Variants in VIPR2 observed in about 807,000 individuals in gnomAD.
VIPR2 encodes vasoactive intestinal peptide receptor 2, also known as vasoactive intestinal polypeptide receptor 2.
In VIPR2, 48 loss-of-function variants were observed where a neutral mutation model predicts 58.0. That is an observed-to-expected ratio of 0.83 (90% CI 0.66 to 1.05). The LOEUF is 1.05. Among genes scored for constraint, VIPR2 ranks in the 50% least tolerant of loss-of-function variants. The pLI, the probability that VIPR2 is intolerant of heterozygous loss-of-function variation, is 0.00. For synonymous variants in VIPR2, 243 were observed against 235.2 expected (o/e 1.03, Z -0.30); for missense variants, 534 against 558.0 (o/e 0.96, Z 0.43).
At chr7:159,140,419 G>A (rs895340392) in intron 2 of VIPR2, among the ~76,000 whole-genome samples, 4 of 152,136 alleles carry the variant, frequency 2.6e-5, no homozygotes, top group Non-Finnish European at 5.9e-5. Flanking sequence ...CCTGGCATTT[G>A]AGCCACGCAT....
chr7:159,032,825 T>A (rs566462083), intron 10 of VIPR2, among the ~76,000 whole-genome samples: 1 of 152,052 alleles, frequency 6.6e-6, no homozygotes, highest in Non-Finnish European at 1.5e-5. Flanking sequence ...AAGGTCAGCA[T>A]AGAAACTAAA....
chr7:159,107,158 C>A (rs1415026839), intron 3 of VIPR2, among the ~76,000 whole-genome samples: 2 of 152,184 alleles, frequency 1.3e-5, no homozygotes, highest in East Asian at 1.9e-4. Flanking sequence ...TGTGCTGATG[C>A]CCCTTTAAAG....
At chr7:159,125,674 A>G (rs913422871) in intron 2 of VIPR2, among the ~76,000 whole-genome samples, 2 of 152,214 alleles carry the variant, frequency 1.3e-5, no homozygotes, top group East Asian at 3.8e-4. Context: ...GATTGGCAGC[A>G]GTTTAGCATG....
rs1265362482 is a variant in VIPR2, at chr7:159,098,893, G to A, written c.357+4864C>T. On this transcript the variant is annotated intron_variant, in intron 4 of 12. Coordinates refer to ENST00000262178, the MANE Select transcript of VIPR2 (RefSeq NM_003382.5). This position sits in a 1 kb window ranked among gnomAD's most constrained non-coding sequence, Gnocchi z 5.2. Reference sequence around the variant, plus strand: ...GCAAGTGGGCCTGATGGGACGAAGCGTGAGCTCCGGGCAGGAGAAACTCTG... The same window carrying A: ...GCAAGTGGGCCTGATGGGACGAAGCATGAGCTCCGGGCAGGAGAAACTCTG... Among the ~76,000 whole-genome samples the A allele has an allele frequency of 2.6e-5, 4 of 152,244 alleles. No homozygotes were observed. The highest frequency in any genetic ancestry group is 6.5e-5 in the Admixed American group (1 of 15,284).
At chr7:159,107,217 C>T (rs969546454) in intron 3 of VIPR2, among the ~76,000 whole-genome samples, 1 of 152,192 alleles carries the variant, frequency 6.6e-6, no homozygotes, top group African/African-American at 2.4e-5. Flanking sequence ...GGCGGCTGAG[C>T]TGCTGCCCTG....
intron 1 of VIPR2, among the ~76,000 whole-genome samples, chr7:159,142,857 T>C (rs1342054577): frequency 6.6e-6 from 1 of 152,222 alleles, no homozygotes; most frequent in East Asian, 1.9e-4. Context: ...CATCTCTCCA[T>C]ACCCGGCTCC....
chr7:159,140,060 G>A (rs1797400594), intron 2 of VIPR2, among the ~76,000 whole-genome samples: 1 of 151,554 alleles, frequency 6.6e-6, no homozygotes, highest in African/African-American at 2.4e-5. Flanking sequence ...TTTCTGTCTG[G>A]ATTTACGTGT....
chr7:159,041,613 AT>A (rs1229637626), intron 6 of VIPR2, among the ~76,000 whole-genome samples: 1 of 145,814 alleles, frequency 6.9e-6, no homozygotes, highest in Non-Finnish European at 1.5e-5. Flanking sequence ...TGCTTTCTAC[AT>A]CACAGGTCCG....
At chr7:159,110,058 G>A in intron 2 of VIPR2, 139 bp from the exon 3 acceptor site, 1 of 748,668 alleles carries the variant, frequency 1.3e-6, no homozygotes, top group South Asian at 1.7e-5. Context: ...TGAGACTATA[G>A]TTAGCTTGTG....
In VIPR2 at chr7:159,043,039, G is replaced by A. The variant is rs1175330913; in HGVS notation, c.593C>T (p.Ser198Phe). ...GTLHCPDQPS[S>F]WVGCKLSLVF... ...CTGTGGTGGGGACAGCCTTACCCAG[G>A]AGGATGGCTGGTCAGGGCAGTGCAA... The change falls in exon 6 of 13, where the codon TCC (serine) becomes TTC (phenylalanine). Residue 198 changes from serine (S) to phenylalanine (F), a missense_variant. By Grantham distance (155) the Ser-to-Phe change is radical. Transcript: ENST00000262178. 1 of 1,613,998 alleles carries A rather than the reference G, an allele frequency of 6.2e-7. No individual in the cohort carries two copies. Among genetic ancestry groups the A allele is most frequent in the Non-Finnish European group, 8.5e-7 (1 of 1,179,914 alleles).
At chr7:159,073,798 G>A (rs192539335) in intron 4 of VIPR2, among the ~76,000 whole-genome samples, 2 of 152,162 alleles carry the variant, frequency 1.3e-5, no homozygotes, top group Non-Finnish European at 2.9e-5. Context: ...CACATGGAGT[G>A]GGGGAGCCCC....
chr7:159,119,539 C>T (rs1410231332), intron 2 of VIPR2, among the ~76,000 whole-genome samples: 1 of 152,194 alleles, frequency 6.6e-6, no homozygotes, highest in Non-Finnish European at 1.5e-5. Flanking sequence ...AGGCAGAGGC[C>T]GAGGCAAACC....
rs1381448703 is a variant in VIPR2 at position 159,093,077 on chromosome 7, A to G, written c.357+10680T>C. The stretch of plus-strand genomic sequence containing the variant: ...TTCTGCACTGGTGCCGTCCACTCAG[A>G]GAACCCGTCTAGCAGCGGAGATGCT... On this transcript the variant is annotated intron_variant, in intron 4 of 12. Transcript: ENST00000262178. This position sits in a 1 kb window ranked among gnomAD's most constrained non-coding sequence, Gnocchi z 6.7. Among the ~76,000 whole-genome samples, 1 of 152,174 alleles carries G rather than the reference A, an allele frequency of 6.6e-6. No individual in the cohort carries two copies. Among genetic ancestry groups the G allele is most frequent in the Non-Finnish European group, 1.5e-5 (1 of 68,028 alleles).
At chr7:159,142,096 A>G (rs138655797) in intron 2 of VIPR2, among the ~76,000 whole-genome samples, 1 of 152,248 alleles carries the variant, frequency 6.6e-6, no homozygotes, top group Non-Finnish European at 1.5e-5. Flanking sequence ...CTAAGAATTT[A>G]AAATGCAAGA....
Position 159,030,746 on chromosome 7 carries a change from G to A in VIPR2, c.1187C>T (p.Thr396Ile), listed in dbSNP as rs1853504675. The A allele has an allele frequency of 1.9e-6, 3 of 1,590,844 alleles. No homozygotes were observed. The highest frequency in any genetic ancestry group is 1.3e-5 in the African/African-American group (1 of 74,214). Residue 396 changes from threonine to isoleucine, a missense_variant, in exon 13 of 13, where the codon ACC (threonine) becomes ATC (isoleucine). Transcript: ENST00000262178. ...CCTGTAATCCCGGCTCGCGGACGGGGTCGGGCACCGGCTTCGCCATTTTCG... is the reference window on the plus strand; with the variant it reads ...CCTGTAATCCCGGCTCGCGGACGGGATCGGGCACCGGCTTCGCCATTTTCG... The part of the protein sequence containing the change: ...LKRKWRSRCP[T>I]PSASRDYRVC...
At chr7:159,118,957 T>C (rs1796349207) in intron 2 of VIPR2, among the ~76,000 whole-genome samples, 1 of 152,216 alleles carries the variant, frequency 6.6e-6, no homozygotes, top group Admixed American at 6.5e-5. Context: ...GAAAATTCGC[T>C]ATAATTTCCT....
At chr7:159,036,269 A>G (rs1013567829) in intron 7 of VIPR2, among the ~76,000 whole-genome samples, 1 of 152,206 alleles carries the variant, frequency 6.6e-6, no homozygotes, top group African/African-American at 2.4e-5. Context: ...ACTGGAGGCC[A>G]TGGAGTTGAA....
At chr7:159,133,177 A>G (rs1185552810) in intron 2 of VIPR2, among the ~76,000 whole-genome samples, 2 of 152,310 alleles carry the variant, frequency 1.3e-5, no homozygotes, top group African/African-American at 2.4e-5. Flanking sequence ...TGCAACAACT[A>G]ACTCAGATTT....
Position 159,132,789 on chromosome 7 carries a change from C to G in VIPR2, c.151+9657G>C, listed in dbSNP as rs1182924358. On this transcript the variant is annotated intron_variant, in intron 2 of 12. Coordinates refer to ENST00000262178, the MANE Select transcript of VIPR2 (RefSeq NM_003382.5). ...GATTTCAGACAGAATGATTGGCATA[C>G]AGACTGATTTCAGACAGAATGATTG... Among the ~76,000 whole-genome samples the G allele has an allele frequency of 6.6e-4, 93 of 141,186 alleles. 2 individuals carry two copies. Among genetic ancestry groups the G allele is most frequent in the Non-Finnish European group, 1.2e-3 (73 of 61,880 alleles). The allele number at this position is 141,186 out of a possible 152,430, so 92.6% of individuals were successfully genotyped here. A position where few individuals can be genotyped will look rare whatever the true frequency, so the allele number is the denominator to read the frequency against.
Sources: allele counts gnomAD v4.1 joint callset (sites outside exome capture counted in the v4.1 genomes callset), GRCh38; gene constraint gnomAD v4.1.1; non-coding constraint Gnocchi (gnomAD v3.1); transcripts MANE v1.5; gene names NCBI Gene and HGNC (gene_info 2026-07-23, HGNC 2026-07-21).